The following RIC1 variants were observed in gnomAD, a reference collection of about 807,000 sequenced individuals.
RIC1 encodes guanine nucleotide exchange factor subunit RIC1.
RIC1 carries 88 observed loss-of-function variants against 169.0 expected under a neutral mutation model. The ratio of observed to expected loss-of-function variants is 0.52; its 90% CI spans 0.44 to 0.62. The LOEUF (loss-of-function observed/expected upper bound fraction) is 0.62. RIC1 is among the 20% of genes least tolerant of loss of function. RIC1 has a pLI of 0.00. For synonymous variants in RIC1, 790 were observed against 601.5 expected (o/e 1.31, Z -4.59); for missense variants, 1,877 against 1,725.5 (o/e 1.09, Z -1.56).
intron 3 of RIC1, among the ~76,000 whole-genome samples, chr9:5,710,447 G>T (rs1489249373): frequency 6.6e-6 from 1 of 152,110 alleles, no homozygotes; most frequent in Non-Finnish European, 1.5e-5. Context: ...TGGAGAAATG[G>T]AACCACTGAA....
At position 5,774,111 on chromosome 9, in the gene RIC1, C is replaced by T. The variant is rs878936538; in HGVS notation, c.4137C>T (p.Gly1379=). 2.5e-6 allele frequency: 4 copies of T among 1,614,010 alleles called. No individual in the cohort carries two copies. Among genetic ancestry groups the T allele is most frequent in the Admixed American group, 1.7e-5 (1 of 59,992 alleles). Residue 1379 remains glycine (G), a synonymous_variant, in exon 26 of 26, where the codon GGC becomes GGT. Transcript: ENST00000414202. The part of the protein sequence containing the change: ...QTSPRAEESR[G]SSSHGSIPQG... ...GCCCCCGGGCAGAGGAGAGCAGGGG[C>T]TCCTCCAGCCATGGAAGCATCCCCC...
chr9:5,632,986 A>G (rs1385414240), intron 1 of RIC1, among the ~76,000 whole-genome samples: 1 of 152,238 alleles, frequency 6.6e-6, no homozygotes, highest in East Asian at 1.9e-4. Flanking sequence ...ACAGATGTGT[A>G]TAAAAGGGAT....
intron 2 of RIC1, among the ~76,000 whole-genome samples, chr9:5,680,394 T>A (rs527296668): frequency 6.6e-6 from 1 of 152,352 alleles, no homozygotes; most frequent in South Asian, 2.1e-4. Flanking sequence ...TTCTATTGAT[T>A]GGAATAGTTT....
intron 6 of RIC1, among the ~76,000 whole-genome samples, chr9:5,729,855 T>C (rs1195661842): frequency 1.3e-5 from 2 of 152,224 alleles, no homozygotes; most frequent in East Asian, 3.9e-4. Context: ...AACTCTTTTT[T>C]TTTTCCTATA....
intron 1 of RIC1, among the ~76,000 whole-genome samples, chr9:5,648,127 C>T (rs1034523348): frequency 1.2e-4 from 18 of 151,764 alleles, no homozygotes; most frequent in African/African-American, 3.4e-4. Context: ...GGATTACAGG[C>T]GCCCGCCACC....
intron 3 of RIC1, among the ~76,000 whole-genome samples, chr9:5,696,995 G>C (rs186756544): frequency 1.3e-5 from 2 of 152,288 alleles, no homozygotes; most frequent in East Asian, 3.9e-4. Context: ...TCTCCATTCT[G>C]GCTAGTCAGA....
chr9:5,727,705 A>G (rs1464777820), intron 6 of RIC1, among the ~76,000 whole-genome samples: 1 of 152,140 alleles, frequency 6.6e-6, no homozygotes, highest in Non-Finnish European at 1.5e-5. Flanking sequence ...TGATGCTGAC[A>G]TACATATGGG....
rs755219997 is a variant in RIC1, at chr9:5,629,475, C to T, written c.144+22C>T. On this transcript the variant is annotated intron_variant, in intron 1 of 25. Coordinates refer to ENST00000414202, the MANE Select transcript of RIC1 (RefSeq NM_020829.4). ...CCGAGTAAGTAGAGCCGCCCGCCGC[C>T]TTTCGCCGCTGCCTCCCCGGCCTCC... 1.5e-5 allele frequency: 23 copies of T among 1,523,874 alleles called. No individual in the cohort carries two copies. The African/African-American group carries it at 2.2e-4, about 15-fold the overall frequency. The allele number at this position is 1,523,874 out of a possible 1,614,324, so 94.4% of individuals were successfully genotyped here.
intron 1 of RIC1, among the ~76,000 whole-genome samples, chr9:5,638,213 A>G (rs1455836232): frequency 6.6e-6 from 1 of 152,200 alleles, no homozygotes; most frequent in African/African-American, 2.4e-5. Flanking sequence ...TTCATGATGA[A>G]TGATCTTTTT....
At chr9:5,769,384 CT>C (rs1193526011) in intron 22 of RIC1, 128 bp downstream of exon 22, 3 of 1,596,200 alleles carry the variant, frequency 1.9e-6, no homozygotes, top group Non-Finnish European at 2.6e-6. Flanking sequence ...TAAAAGCCAA[CT>C]TTTTGTACAT....
chr9:5,678,512 G>C (rs1820597674), intron 2 of RIC1, among the ~76,000 whole-genome samples: 1 of 151,724 alleles, frequency 6.6e-6, no homozygotes. Flanking sequence ...AGCACCTGTT[G>C]TTTCCTGACT....
chr9:5,636,991 AT>A (rs909941057), intron 1 of RIC1, among the ~76,000 whole-genome samples: 3 of 151,540 alleles, frequency 2.0e-5, no homozygotes, highest in Non-Finnish European at 2.9e-5. Context: ...TGGCACAGCA[AT>A]TTTTTTTTAA....
chr9:5,629,861 C>T (rs1817633537), intron 1 of RIC1, among the ~76,000 whole-genome samples: 1 of 152,214 alleles, frequency 6.6e-6, no homozygotes, highest in Non-Finnish European at 1.5e-5. Flanking sequence ...CTTTAAAGGT[C>T]GCCGTTTTGG....
intron 16 of RIC1, 104 bp downstream of exon 16, chr9:5,756,476 T>C: frequency 1.3e-6 from 1 of 757,812 alleles, no homozygotes; most frequent in East Asian, 3.1e-5. Context: ...TTATATTCAA[T>C]CTTGTTTTTG....
intron 2 of RIC1, among the ~76,000 whole-genome samples, chr9:5,679,536 T>C (rs939618616): frequency 2.0e-5 from 3 of 152,192 alleles, no homozygotes; most frequent in African/African-American, 7.2e-5. Flanking sequence ...TTTGTAGTTC[T>C]CCTTGAAGAG....
intron 22 of RIC1, chr9:5,769,648 G>C (rs1827061753): frequency 5.9e-6 from 2 of 338,946 alleles, no homozygotes; most frequent in Non-Finnish European, 1.1e-5. Flanking sequence ...TTCTAAACTA[G>C]GAGAGGACAA....
At chr9:5,673,533 G>GATATATATATATATATATATATAT (rs1424748579) in intron 2 of RIC1, among the ~76,000 whole-genome samples, 1 of 60,714 alleles carries the variant, frequency 1.6e-5, no homozygotes. Context: ...AAAACATAAG[G>GATATATATATATATATATATATAT]AGATATATAT....
chr9:5,671,330 C>T (rs749322558), intron 2 of RIC1, among the ~76,000 whole-genome samples: 29 of 149,158 alleles, frequency 1.9e-4, no homozygotes, highest in Non-Finnish European at 2.4e-4. Flanking sequence ...AGTGGAGTGG[C>T]GCAGCGCAAT....
At chr9:5,636,362 G>A (rs180748465) in intron 1 of RIC1, among the ~76,000 whole-genome samples, 2 of 151,824 alleles carry the variant, frequency 1.3e-5, no homozygotes, top group Admixed American at 1.3e-4. Flanking sequence ...TCTTGTCACC[G>A]AGGCTGGAGT....
Sources: allele counts gnomAD v4.1 joint callset (sites outside exome capture counted in the v4.1 genomes callset), GRCh38; gene constraint gnomAD v4.1.1; transcripts MANE v1.5; gene names NCBI Gene and HGNC (gene_info 2026-07-23, HGNC 2026-07-21).